Variants in MAGI2 observed in about 807,000 individuals in gnomAD.
MAGI2 encodes membrane-associated guanylate kinase, WW and PDZ domain-containing protein 2.
In MAGI2, 35 loss-of-function variants were observed where a neutral mutation model predicts 133.3. That is an observed-to-expected ratio of 0.26 (90% CI 0.20 to 0.35). The LOEUF (loss-of-function observed/expected upper bound fraction) is 0.35. Among genes scored for constraint, MAGI2 ranks in the 10% least tolerant of loss-of-function variants. MAGI2 has a pLI of 1.00. For missense variants in MAGI2, 1,636 were observed against 1,863.4 expected, an observed-to-expected ratio of 0.88 and a Z score of 2.25; for synonymous variants, 729 against 710.6, an observed-to-expected ratio of 1.03 and a Z score of -0.41.
intron 2 of MAGI2, among the ~76,000 whole-genome samples, chr7:78,774,347 T>C (rs1825816590): frequency 6.6e-6 from 1 of 152,056 alleles, no homozygotes; most frequent in Non-Finnish European, 1.5e-5. Context: ...AGTAAAGGAG[T>C]ACTCGTGCTA....
chr7:78,417,086 A>C (rs1798369488), intron 6 of MAGI2, among the ~76,000 whole-genome samples: 1 of 152,166 alleles, frequency 6.6e-6, no homozygotes, highest in Admixed American at 6.6e-5. Flanking sequence ...GAAGATAACA[A>C]GATCAGGAAG....
chr7:79,215,720 C>G (rs961745686), intron 1 of MAGI2, among the ~76,000 whole-genome samples: 1 of 151,876 alleles, frequency 6.6e-6, no homozygotes, highest in African/African-American at 2.4e-5. Flanking sequence ...TGTTTGATGA[C>G]TTCTTATAAC....
At chr7:79,036,471 G>A (rs1026738062) in intron 1 of MAGI2, among the ~76,000 whole-genome samples, 9 of 152,172 alleles carry the variant, frequency 5.9e-5, no homozygotes, top group Non-Finnish European at 1.2e-4. Context: ...AACTAGGGAT[G>A]TCAGGATACT....
chr7:78,277,129 T>C (rs527449862), intron 9 of MAGI2, among the ~76,000 whole-genome samples: 1 of 152,284 alleles, frequency 6.6e-6, no homozygotes, highest in South Asian at 2.1e-4. Flanking sequence ...TCATAAAAAA[T>C]AATTTTAATG....
chr7:78,531,410 C>T (rs1797462525), intron 3 of MAGI2, among the ~76,000 whole-genome samples: 3 of 151,992 alleles, frequency 2.0e-5, no homozygotes. Context: ...GACGGGGTTT[C>T]ACCATGTTGG....
chr7:78,740,701 T>C (rs1424923504), intron 2 of MAGI2, among the ~76,000 whole-genome samples: 1 of 152,212 alleles, frequency 6.6e-6, no homozygotes, highest in Admixed American at 6.5e-5. Flanking sequence ...CAGACTCTTT[T>C]TGCTCAATTG....
intron 1 of MAGI2, among the ~76,000 whole-genome samples, chr7:79,076,610 A>G (rs1815485035): frequency 6.6e-6 from 1 of 152,186 alleles, no homozygotes; most frequent in Admixed American, 6.5e-5. Flanking sequence ...ATGATGTTAT[A>G]ATGCATATCC....
chr7:78,429,289 T>A (rs1799569304), intron 6 of MAGI2, among the ~76,000 whole-genome samples: 1 of 151,670 alleles, frequency 6.6e-6, no homozygotes, highest in South Asian at 2.1e-4. Context: ...TCTTTGGTGC[T>A]ATGCTTGACA....
At chr7:78,233,599 G>A (rs187508031) in intron 10 of MAGI2, among the ~76,000 whole-genome samples, 1 of 152,194 alleles carries the variant, frequency 6.6e-6, no homozygotes. Context: ...GGCCCAGGAT[G>A]AAAGAAAAGA....
At chr7:78,297,900 G>T (rs1211344706) in intron 9 of MAGI2, among the ~76,000 whole-genome samples, 2 of 149,948 alleles carry the variant, frequency 1.3e-5, no homozygotes, top group Non-Finnish European at 3.0e-5. Flanking sequence ...ACGAGTTAGT[G>T]GGTGCAGCGC....
At chr7:79,017,475 C>T (rs970975400) in intron 1 of MAGI2, among the ~76,000 whole-genome samples, 1 of 152,170 alleles carries the variant, frequency 6.6e-6, no homozygotes, top group Non-Finnish European at 1.5e-5. Flanking sequence ...CATCAGCCCA[C>T]GAAGATGAGA....
At chr7:78,281,091 T>C (rs895260733) in intron 9 of MAGI2, among the ~76,000 whole-genome samples, 2 of 152,144 alleles carry the variant, frequency 1.3e-5, no homozygotes, top group African/African-American at 4.8e-5. Flanking sequence ...GCTCAACTCT[T>C]TACATTTATT....
At chr7:78,057,989 A>G (rs374368085) in intron 21 of MAGI2, among the ~76,000 whole-genome samples, 1 of 30,636 alleles carries the variant, frequency 3.3e-5, no homozygotes, top group Non-Finnish European at 5.7e-5. Flanking sequence ...ATATATATAT[A>G]TATATATATA....
intron 3 of MAGI2, among the ~76,000 whole-genome samples, chr7:78,573,188 T>TTATA (rs1332394171): frequency 3.7e-4 from 29 of 78,112 alleles, no homozygotes; most frequent in African/African-American, 1.5e-3. Flanking sequence ...CCTGGAACTT[T>TTATA]TATATATATA....
intron 1 of MAGI2, among the ~76,000 whole-genome samples, chr7:79,064,212 A>G (rs1297536680): frequency 6.6e-6 from 1 of 152,112 alleles, no homozygotes; most frequent in African/African-American, 2.4e-5. Flanking sequence ...CTGAAGATCT[A>G]GTGGTAAAAC....
chr7:78,461,916 C>CAAAAAAAAAAAAAAAA (rs55811983), intron 6 of MAGI2, among the ~76,000 whole-genome samples: 17 of 30,514 alleles, frequency 5.6e-4, no homozygotes, highest in Admixed American at 8.9e-4. Flanking sequence ...AATTCCGTCT[C>CAAAAAAAAAAAAAAAA]AAAAAAAAAA....
intron 2 of MAGI2, among the ~76,000 whole-genome samples, chr7:78,949,108 T>C (rs1235071788): frequency 2.0e-5 from 3 of 152,156 alleles, no homozygotes; most frequent in Admixed American, 6.6e-5. Context: ...CTTAGTTTTA[T>C]TGTGAAAGCA....
rs367675251 is a variant in MAGI2 at position 79,056,230 on chromosome 7, A to AC, written c.302-49025_302-49024insG. ...TGAGATTCCATCTCAAAAAACAACA[A>AC]AAAAAAAATTAGCTGTGCATGGTTG... is the stretch of plus-strand genomic sequence containing the variant. On this transcript the variant is annotated intron_variant, in intron 1 of 21. Transcript: ENST00000354212. Among the ~76,000 whole-genome samples the AC allele has an allele frequency of 5.0e-3, 748 of 150,600 alleles. 2 individuals carry two copies. The highest frequency in any genetic ancestry group is 0.013 in the African/African-American group (539 of 41,084).
At chr7:79,342,751 A>G (rs1259499044) in intron 1 of MAGI2, among the ~76,000 whole-genome samples, 1 of 151,436 alleles carries the variant, frequency 6.6e-6, no homozygotes, top group Non-Finnish European at 1.5e-5. Flanking sequence ...TTATTTATTT[A>G]TTTGTTTGTT....
Sources: gnomAD v4.1 joint callset for allele counts (sites outside exome capture counted in the v4.1 genomes callset) on GRCh38, gnomAD v4.1.1 for gene constraint, MANE v1.5 for transcripts, NCBI Gene and HGNC (gene_info 2026-07-23, HGNC 2026-07-21) for gene names.